Variants in PDZD2 observed in about 807,000 individuals in gnomAD.
PDZD2 encodes PDZ domain containing 2.
In PDZD2, 90 loss-of-function variants were observed where a neutral mutation model predicts 220.7. The observed-to-expected ratio is 0.41, with a 90% CI of 0.34 to 0.49. The LOEUF (loss-of-function observed/expected upper bound fraction) is 0.49. Among genes scored for constraint, PDZD2 ranks in the 20% least tolerant of loss-of-function variants. The probability of loss-of-function intolerance (pLI) is 0.28; values close to 1 mark genes in which losing one functional copy is unlikely to be tolerated. For synonymous variants in PDZD2, 1,375 were observed against 1,450.5 expected, an observed-to-expected ratio of 0.95 and a Z score of 1.18; for missense variants, 3,174 against 3,608.5, an observed-to-expected ratio of 0.88 and a Z score of 3.08.
At chr5:31,991,340 G>C (rs1452177724) in intron 3 of PDZD2, among the ~76,000 whole-genome samples, 2 of 152,200 alleles carry the variant, frequency 1.3e-5, no homozygotes, top group African/African-American at 4.8e-5. Context: ...TTAGGGAGAG[G>C]AGAAGGCCAA....
chr5:31,766,078 G>A (rs906407079), intron 1 of PDZD2, among the ~76,000 whole-genome samples: 2 of 152,100 alleles, frequency 1.3e-5, no homozygotes, highest in Non-Finnish European at 2.9e-5. Context: ...TACTCAGGGG[G>A]CTGGGGTGGA....
intron 24 of PDZD2, among the ~76,000 whole-genome samples, chr5:32,102,706 A>G (rs1744367598): frequency 6.6e-6 from 1 of 152,040 alleles, no homozygotes; most frequent in Non-Finnish European, 1.5e-5. Context: ...AAAACAGGAC[A>G]CCCCATTCAT....
rs1315996524 is a variant in PDZD2 at position 32,087,765 on chromosome 5, A to C, written c.4317A>C (p.Ala1439=). The change falls in exon 20 of 25, where the codon GCA becomes GCC. Residue 1439 remains alanine (A), a synonymous_variant. Coordinates refer to ENST00000438447, the MANE Select transcript of PDZD2 (RefSeq NM_178140.4). This position sits in a 1 kb window ranked among gnomAD's most constrained non-coding sequence, Gnocchi z 4.0. ...SFIKELDASA[A]RSPSSQTGDS... is the part of the protein sequence containing the mutation. Reference sequence around the variant, plus strand: ...TCAAGGAGCTGGATGCTTCTGCAGCAAGGTCTCCGTCTTCCCAGACGGGGG... The same window carrying C: ...TCAAGGAGCTGGATGCTTCTGCAGCCAGGTCTCCGTCTTCCCAGACGGGGG... 1.3e-5 allele frequency: 21 copies of C among 1,613,884 alleles called. No homozygotes were observed. Among genetic ancestry groups the C allele is most frequent in the African/African-American group, 2.7e-5 (2 of 74,912 alleles).
chr5:31,893,230 T>C (rs889853603), intron 2 of PDZD2, among the ~76,000 whole-genome samples: 7 of 152,104 alleles, frequency 4.6e-5, no homozygotes, highest in Non-Finnish European at 7.4e-5. Context: ...GACCATCCTG[T>C]CCCCACGTTA....
intron 2 of PDZD2, among the ~76,000 whole-genome samples, chr5:31,961,304 G>T (rs1748199757): frequency 6.7e-6 from 1 of 150,242 alleles, no homozygotes; most frequent in Admixed American, 6.7e-5. Context: ...GCCGAGGCTG[G>T]CAGTTCACTT....
rs532204375 is a variant in PDZD2, at chr5:31,961,319, A to G, written c.477-21836A>G. On this transcript the variant is annotated intron_variant, in intron 2 of 24. Coordinates refer to ENST00000438447, the MANE Select transcript of PDZD2 (RefSeq NM_178140.4). ...GCCGAGGCTGGCAGTTCACTTTGAG[A>G]CCAGGCGTTTGAGGGCAGCTGGGGA... 1.2e-4 allele frequency among the ~76,000 whole-genome samples: 18 copies of G among 149,308 alleles called. No individual in the cohort carries two copies. In the Admixed American group the frequency reaches 1.2e-3, roughly 10 times the overall value.
intron 1 of PDZD2, among the ~76,000 whole-genome samples, chr5:31,787,102 G>A (rs1194991340): frequency 6.6e-6 from 1 of 152,162 alleles, no homozygotes; most frequent in East Asian, 1.9e-4. Flanking sequence ...CATACCACAT[G>A]GACAGGATGA....
intron 2 of PDZD2, among the ~76,000 whole-genome samples, chr5:31,867,373 A>G (rs553774826): frequency 1.3e-5 from 2 of 152,226 alleles, no homozygotes; most frequent in African/African-American, 2.4e-5. Context: ...ATGTGGGTAT[A>G]TGAGGTGCTG....
chr5:31,792,607 G>A (rs1436458483), intron 1 of PDZD2, among the ~76,000 whole-genome samples: 1 of 151,802 alleles, frequency 6.6e-6, no homozygotes, highest in East Asian at 1.9e-4. Flanking sequence ...TAGTGGAGAC[G>A]GGGTTTCACC....
chr5:31,929,620 C>T (rs1245900191), intron 2 of PDZD2, among the ~76,000 whole-genome samples: 1 of 152,114 alleles, frequency 6.6e-6, no homozygotes, highest in Non-Finnish European at 1.5e-5. Flanking sequence ...GAGGCTGAGG[C>T]GGGTGGATCA....
chr5:31,887,021 C>T (rs545592079), intron 2 of PDZD2, among the ~76,000 whole-genome samples: 9 of 152,210 alleles, frequency 5.9e-5, no homozygotes, highest in East Asian at 1.9e-4. Flanking sequence ...TCTTGAATGC[C>T]GCCTGGGTGC....
chr5:32,088,155 A>G lies in PDZD2; in HGVS notation c.4707A>G (p.Pro1569=). The change falls in exon 20 of 25, where the codon CCA becomes CCG. Residue 1569 remains proline (P), a synonymous_variant. Transcript: ENST00000438447. The surrounding 1 kb of genome is among the most constrained non-coding windows in gnomAD (Gnocchi z 4.6). ...SSDPESLTEA[P]RASARDGWSP... ...ACCCTGAGTCACTCACTGAAGCCCC[A>G]CGAGCTTCTGCCAGGGACGGCTGGT... 1 of 1,614,128 alleles carries G rather than the reference A, an allele frequency of 6.2e-7. No homozygotes were observed. The highest frequency in any genetic ancestry group is 8.5e-7 in the Non-Finnish European group (1 of 1,179,982).
At chr5:31,750,589 C>T (rs921780628) in intron 1 of PDZD2, among the ~76,000 whole-genome samples, 10 of 152,054 alleles carry the variant, frequency 6.6e-5, no homozygotes, top group African/African-American at 1.9e-4. Context: ...TCCTGAGGGG[C>T]GCCGCTCCAG....
At chr5:31,916,870 A>G (rs1486769758) in intron 2 of PDZD2, among the ~76,000 whole-genome samples, 2 of 152,058 alleles carry the variant, frequency 1.3e-5, no homozygotes, top group African/African-American at 4.8e-5. Context: ...TCCTACCAGC[A>G]TCCTTCTGGT....
chr5:31,689,239 T>TTG (rs70955736), intron 1 of PDZD2, among the ~76,000 whole-genome samples: 34,379 of 139,872 alleles, frequency 0.25, 4,482 homozygotes, highest in South Asian at 0.32. Context: ...TGGCTAATGT[T>TTG]TGTGTGTGTG....
At chr5:31,841,118 A>C (rs1757274443) in intron 2 of PDZD2, 1 of 212,880 alleles carries the variant, frequency 4.7e-6, no homozygotes, top group African/African-American at 2.3e-5. Flanking sequence ...TAAAGAAGAA[A>C]GTAAATATTA....
chr5:31,704,213 A>G (rs1434857040), intron 1 of PDZD2, among the ~76,000 whole-genome samples: 2 of 152,134 alleles, frequency 1.3e-5, no homozygotes, highest in African/African-American at 2.4e-5. Flanking sequence ...GGGTTTCACC[A>G]TGTTGCCTAG....
intron 7 of PDZD2, among the ~76,000 whole-genome samples, chr5:32,041,991 G>A (rs1394952270): frequency 1.0e-4 from 15 of 148,568 alleles, no homozygotes; most frequent in African/African-American, 3.2e-4. Context: ...CGAGGTGGGC[G>A]GCTCACGAGG....
At chr5:32,099,766 C>T (rs1744078330) in intron 23 of PDZD2, 1 of 152,280 alleles carries the variant, frequency 6.6e-6, no homozygotes, top group African/African-American at 2.4e-5. Flanking sequence ...TAATCAATCA[C>T]TCAGTATTCC....
Sources: allele counts gnomAD v4.1 joint callset (sites outside exome capture counted in the v4.1 genomes callset), GRCh38; gene constraint gnomAD v4.1.1; non-coding constraint Gnocchi (gnomAD v3.1); transcripts MANE v1.5; gene names NCBI Gene and HGNC (gene_info 2026-07-23, HGNC 2026-07-21).